Variants in JPH3 observed in about 807,000 individuals in gnomAD.
The protein encoded by JPH3 is junctophilin-3.
In JPH3, 11 loss-of-function variants were observed where a neutral mutation model predicts 59.6. The ratio of observed to expected loss-of-function variants is 0.18; its 90% confidence interval spans 0.12 to 0.31. The LOEUF is 0.31. Among genes scored for constraint, JPH3 ranks in the 10% least tolerant of loss-of-function variants. JPH3 has a pLI of 1.00. For missense variants in JPH3, 1,202 were observed against 1,105.7 expected (o/e 1.09, Z -1.24); for synonymous variants, 673 against 483.6 (o/e 1.39, Z -5.14).
rs1280489204 is a variant in JPH3 at position 87,690,519 on chromosome 16, C to A, written c.2159C>A (p.Ser720Tyr). 1 of 1,472,500 alleles carries A rather than the reference C, an allele frequency of 6.8e-7. No individual in the cohort carries two copies. The highest frequency in any genetic ancestry group is 9.0e-7 in the Non-Finnish European group (1 of 1,112,230). 91.2% of individuals were successfully genotyped at this position (1,472,500 alleles called of 1,614,324 possible). A position where few individuals can be genotyped will look rare whatever the true frequency, so the allele number is the denominator to read the frequency against. The change falls in exon 4 of 5, where the codon TCC becomes TAC. Residue 720 changes from serine (S) to tyrosine (Y), a missense_variant. Physicochemically the swap from Ser to Tyr is moderately radical, Grantham distance 144. Coordinates refer to ENST00000284262, the MANE Select transcript of JPH3 (RefSeq NM_020655.4). ...SDEENGDELKSSTGSAPILVV... is the reference protein window; with the variant it reads ...SDEENGDELKYSTGSAPILVV... ...GAGGAGAATGGGGATGAGCTCAAGT[C>A]CAGTACGGTGAGTGGGCGGCCACCA...
At chr16:87,662,533 G>C (rs546710326) in intron 2 of JPH3, among the ~76,000 whole-genome samples, 13 of 152,236 alleles carry the variant, frequency 8.5e-5, no homozygotes, top group Non-Finnish European at 1.5e-4. Flanking sequence ...GTTCGTTTTG[G>C]GGTCAAGGGT....
intron 2 of JPH3, among the ~76,000 whole-genome samples, chr16:87,656,688 G>A (rs55665770): frequency 1.3e-5 from 2 of 152,192 alleles, no homozygotes; most frequent in South Asian, 2.1e-4. Flanking sequence ...GACAGAGGAC[G>A]AGGAGGAACG....
At chr16:87,649,917 G>A (rs1597262047) in intron 2 of JPH3, among the ~76,000 whole-genome samples, 2 of 152,230 alleles carry the variant, frequency 1.3e-5, no homozygotes, top group Non-Finnish European at 2.9e-5. Flanking sequence ...TGATGGGATT[G>A]TTTCTGCTGG....
chr16:87,634,276 CAG>C (rs1207654806), intron 1 of JPH3, among the ~76,000 whole-genome samples: 9 of 152,136 alleles, frequency 5.9e-5, no homozygotes, highest in African/African-American at 9.7e-5. Context: ...ACCCCAAAGA[CAG>C]GGGTCTGTTC....
At position 87,689,731 on chromosome 16, in the gene JPH3, C is replaced by T. The variant is rs1292595957; in HGVS notation, c.1371C>T (p.Ser457=). The change falls in exon 4 of 5, where the codon AGC becomes AGT. Residue 457 remains serine (S), a synonymous_variant. Coordinates refer to ENST00000284262, the MANE Select transcript of JPH3 (RefSeq NM_020655.4). ...LSTGTPLQQE[S]PELYRKGTTP... The stretch of plus-strand genomic sequence containing the variant: ...CCGGGACACCCCTGCAGCAGGAGAG[C>T]CCCGAGCTGTACCGCAAGGGCACCA... 10 of 1,612,356 alleles carry T rather than the reference C, an allele frequency of 6.2e-6. No individual in the cohort carries two copies. Among genetic ancestry groups the T allele is most frequent in the African/African-American group, 1.3e-5 (1 of 74,906 alleles).
At chr16:87,641,219 C>T (rs2031940030) in intron 1 of JPH3, among the ~76,000 whole-genome samples, 2 of 152,158 alleles carry the variant, frequency 1.3e-5, no homozygotes, top group Non-Finnish European at 2.9e-5. Flanking sequence ...GGTCCACATA[C>T]ATCCCTGCTT....
At chr16:87,631,565 T>C (rs1448939752) in intron 1 of JPH3, among the ~76,000 whole-genome samples, 1 of 152,192 alleles carries the variant, frequency 6.6e-6, no homozygotes, top group Non-Finnish European at 1.5e-5. Flanking sequence ...CACTGTATCT[T>C]GGTTGGGTGT....
chr16:87,680,775 C>T (rs914607743), intron 2 of JPH3, among the ~76,000 whole-genome samples: 1 of 152,230 alleles, frequency 6.6e-6, no homozygotes, highest in Middle Eastern at 3.2e-3. Flanking sequence ...TGGGAGTCTC[C>T]TCCTCCATGA....
intron 3 of JPH3, 27 bp from the exon 4 acceptor site, chr16:87,689,619 C>T: frequency 1.9e-6 from 3 of 1,606,396 alleles, no homozygotes; most frequent in Non-Finnish European, 2.5e-6. Flanking sequence ...GTAACGCCGT[C>T]TGGCGTCGTC....
intron 2 of JPH3, among the ~76,000 whole-genome samples, chr16:87,665,832 A>G (rs2032843349): frequency 6.6e-6 from 1 of 152,156 alleles, no homozygotes; most frequent in South Asian, 2.1e-4. Context: ...TGCTTCCCAG[A>G]ATGTTCTGTC....
At chr16:87,637,487 C>G (rs1325532323) in intron 1 of JPH3, among the ~76,000 whole-genome samples, 1 of 151,758 alleles carries the variant, frequency 6.6e-6, no homozygotes, top group Non-Finnish European at 1.5e-5. Flanking sequence ...TCATTTTGCG[C>G]CGGTGTTGGG....
At chr16:87,620,416 T>C (rs2031130271) in intron 1 of JPH3, among the ~76,000 whole-genome samples, 1 of 130,530 alleles carries the variant, frequency 7.7e-6, no homozygotes, top group Non-Finnish European at 1.7e-5. Flanking sequence ...GGGGGTGTGG[T>C]TAGCAGAGAG....
intron 3 of JPH3, among the ~76,000 whole-genome samples, chr16:87,688,912 G>C (rs904682890): frequency 6.6e-6 from 1 of 152,188 alleles, no homozygotes; most frequent in Non-Finnish European, 1.5e-5. Flanking sequence ...GGGGGCTCAC[G>C]GAGCTCCGGA....
intron 1 of JPH3, chr16:87,604,219 G>A: frequency 2.1e-6 from 3 of 1,436,368 alleles, no homozygotes; most frequent in Non-Finnish European, 2.8e-6. Flanking sequence ...TGAGGGAATC[G>A]ATCTGTGCCT....
intron 1 of JPH3, among the ~76,000 whole-genome samples, chr16:87,642,094 C>T (rs1219522030): frequency 6.6e-6 from 1 of 152,094 alleles, no homozygotes; most frequent in African/African-American, 2.4e-5. Flanking sequence ...GGATCAGGAC[C>T]CTTTGGGGGG....
At chr16:87,691,723 T>C (rs942093998) in intron 4 of JPH3, among the ~76,000 whole-genome samples, 3 of 152,050 alleles carry the variant, frequency 2.0e-5, no homozygotes, top group Admixed American at 6.5e-5. Context: ...TCCTGTTGGG[T>C]TCCTAAGATG....
In JPH3 at chr16:87,696,748, A is replaced by G; in HGVS notation, c.*88A>G. ...AAAACCACAAGAAGGGAAAGACCGC[A>G]ACTCGGACAGCCCAGCGACTTCCAA... On this transcript the variant is annotated 3_prime_UTR_variant, in exon 5 of 5. Transcript: ENST00000284262. 3 of 1,072,012 alleles carry G rather than the reference A, an allele frequency of 2.8e-6. No individual in the cohort carries two copies. Among genetic ancestry groups the G allele is most frequent in the Non-Finnish European group, 2.8e-6 (2 of 706,020 alleles). 66.4% of individuals were successfully genotyped at this position (1,072,012 alleles called of 1,614,324 possible).
intron 4 of JPH3, chr16:87,695,221 C>T (rs1339665424): frequency 6.9e-6 from 3 of 433,914 alleles, no homozygotes; most frequent in East Asian, 1.4e-4. Context: ...GCAGCCCTCA[C>T]CTGGTGCCAC....
At chr16:87,668,391 C>A (rs1415310437) in intron 2 of JPH3, among the ~76,000 whole-genome samples, 5 of 152,232 alleles carry the variant, frequency 3.3e-5, no homozygotes, top group Non-Finnish European at 7.3e-5. Flanking sequence ...GACGCCCTTT[C>A]CAGATCCTGT....
Sources: allele counts gnomAD v4.1 joint callset (sites outside exome capture counted in the v4.1 genomes callset), GRCh38; gene constraint gnomAD v4.1.1; transcripts MANE v1.5; gene names NCBI Gene and HGNC (gene_info 2026-07-23, HGNC 2026-07-21).